The following IKZF1 variants were observed in gnomAD, a reference collection of about 807,000 sequenced individuals.
IKZF1 encodes IKAROS family zinc finger 1.
A neutral mutation model predicts 51.7 loss-of-function variants in IKZF1; 10 were observed. The ratio of observed to expected loss-of-function variants is 0.19; its 90% CI spans 0.12 to 0.33. The LOEUF is 0.33. Ranked by LOEUF, IKZF1 falls within the 10% of genes least tolerant of loss-of-function variation. The pLI is 1.00. For synonymous variants in IKZF1, 280 were observed against 282.3 expected, an observed-to-expected ratio of 0.99 and a Z score of 0.08; for missense variants, 484 against 707.5, an observed-to-expected ratio of 0.68 and a Z score of 3.58.
chr7:50,403,832 T>G lies in IKZF1; in HGVS notation c.*3205T>G, dbSNP rs1314258775. Reference sequence around the variant, plus strand: ...TTTGTGCTTTTTTCTTGTTTTGTTTTGTTTTGACTGCACTGTGAGTTTTGT... The same window carrying G: ...TTTGTGCTTTTTTCTTGTTTTGTTTGGTTTTGACTGCACTGTGAGTTTTGT... On this transcript the variant is annotated 3_prime_UTR_variant, in exon 8 of 8. Coordinates refer to ENST00000331340, the MANE Select transcript of IKZF1 (RefSeq NM_006060.6). 5 of 223,212 alleles carry G rather than the reference T, an allele frequency of 2.2e-5. No individual in the cohort carries two copies. The East Asian group carries it at 3.2e-4, about 14-fold the overall frequency. The allele number at this position is 223,212 out of a possible 1,614,324, so 13.8% of individuals were successfully genotyped here.
At chr7:50,383,542 G>A (rs1812463852) in intron 5 of IKZF1, among the ~76,000 whole-genome samples, 1 of 152,210 alleles carries the variant, frequency 6.6e-6, no homozygotes, top group Non-Finnish European at 1.5e-5. Context: ...CTACAGTGTG[G>A]TCTATACAAC....
intron 1 of IKZF1, among the ~76,000 whole-genome samples, chr7:50,309,274 C>T (rs527999618): frequency 3.9e-5 from 6 of 152,296 alleles, no homozygotes; most frequent in South Asian, 4.1e-4. Flanking sequence ...ACTCTCTTCC[C>T]GCCATTGCAC....
intron 7 of IKZF1, among the ~76,000 whole-genome samples, chr7:50,395,749 T>A (rs959730150): frequency 1.2e-4 from 19 of 152,230 alleles, no homozygotes; most frequent in Middle Eastern, 3.4e-3. Context: ...GCAACTTTTT[T>A]AAAAAAAAGT....
chr7:50,396,886 G>A (rs1408622078), intron 7 of IKZF1, among the ~76,000 whole-genome samples: 2 of 152,214 alleles, frequency 1.3e-5, no homozygotes, highest in East Asian at 1.9e-4. Context: ...CATCCCCACA[G>A]GAGATTCTCT....
intron 3 of IKZF1, among the ~76,000 whole-genome samples, chr7:50,347,906 G>T (rs1247987021): frequency 6.6e-6 from 1 of 152,102 alleles, no homozygotes; most frequent in Non-Finnish European, 1.5e-5. Context: ...TGCAACCCTC[G>T]TGTTTGCATT....
At position 50,376,931 on chromosome 7, in the gene IKZF1, C is replaced by T; in HGVS notation, c.421+138C>T. 7.1e-6 allele frequency: 10 copies of T among 1,405,708 alleles called. No homozygotes were observed. Among genetic ancestry groups the T allele is most frequent in the Non-Finnish European group, 9.5e-6 (10 of 1,055,600 alleles). 87.1% of individuals were successfully genotyped at this position (1,405,708 alleles called of 1,614,324 possible). On this transcript the variant is annotated intron_variant, in intron 4 of 7. Transcript: ENST00000331340. This position sits in a 1 kb window ranked among gnomAD's most constrained non-coding sequence, Gnocchi z 4.5. Reference sequence around the variant, plus strand: ...GCTCAGTTGTTGCAAGCGATTGGTTCCAAGTGGTACCGAGTCATAGAGTCC... The same window carrying T: ...GCTCAGTTGTTGCAAGCGATTGGTTTCAAGTGGTACCGAGTCATAGAGTCC...
chr7:50,352,763 A>G lies in IKZF1; in HGVS notation c.161-23770A>G, dbSNP rs796406881. 2.5e-4 allele frequency among the ~76,000 whole-genome samples: 38 copies of G among 152,372 alleles called. 3 individuals are homozygous for G. In the South Asian group the frequency reaches 7.9e-3, roughly 32 times the overall value. On this transcript the variant is annotated intron_variant, in intron 3 of 7. Transcript: ENST00000331340. ...TAAAGGAAGCCTCCAAGTTGAAATC[A>G]AATACTAATGACATTTTTATCTAAT...
intron 3 of IKZF1, chr7:50,368,659 T>C (rs908813450): frequency 9.8e-6 from 3 of 307,684 alleles, no homozygotes; most frequent in African/African-American, 6.4e-5. Flanking sequence ...TGAATTTCAT[T>C]TTTCTTTTTT....
At chr7:50,382,513 T>A (rs1183622344) in intron 4 of IKZF1, 27 bp from the exon 5 acceptor site, 1 of 1,600,850 alleles carries the variant, frequency 6.2e-7, no homozygotes. Context: ...AGTTTAGTTC[T>A]CACCAGCTCT....
Position 50,400,754 on chromosome 7 carries a change from C to CTGTTTTT in IKZF1, c.*140_*146dup, listed in dbSNP as rs1205001939. On this transcript the variant is annotated 3_prime_UTR_variant, in exon 8 of 8. Coordinates refer to ENST00000331340, the MANE Select transcript of IKZF1 (RefSeq NM_006060.6). This position sits in a 1 kb window ranked among gnomAD's most constrained non-coding sequence, Gnocchi z 5.4. ...GACAATGTTGTGTTTGGATTTGTAA[C>CTGTTTTT]TGTTTTTTGTTTTTTGTTTGAGTTG... The CTGTTTTT allele has an allele frequency of 1.6e-5, 20 of 1,257,062 alleles. 1 individual carries two copies. The Middle Eastern group carries it at 2.6e-3, about 166-fold the overall frequency. The allele number at this position is 1,257,062 out of a possible 1,614,324, so 77.9% of individuals were successfully genotyped here. A position where few individuals can be genotyped will look rare whatever the true frequency, so the allele number is the denominator to read the frequency against.
chr7:50,326,908 A>C (rs951959504), intron 2 of IKZF1, among the ~76,000 whole-genome samples: 2 of 152,186 alleles, frequency 1.3e-5, no homozygotes, highest in Non-Finnish European at 2.9e-5. Context: ...TCTTGCAAAG[A>C]AAGTGAGCAG....
intron 1 of IKZF1, chr7:50,308,981 G>T (rs930318171): frequency 6.6e-6 from 1 of 152,548 alleles, no homozygotes; most frequent in African/African-American, 2.4e-5. Context: ...TTCCCTGCTG[G>T]TGTTTCCACA....
intron 2 of IKZF1, among the ~76,000 whole-genome samples, chr7:50,326,594 C>T (rs1388541548): frequency 1.3e-5 from 2 of 152,184 alleles, no homozygotes; most frequent in African/African-American, 4.8e-5. Flanking sequence ...AGGAGTGATT[C>T]CCCAATGCTA....
intron 3 of IKZF1, among the ~76,000 whole-genome samples, chr7:50,334,385 G>T (rs1212011151): frequency 6.6e-6 from 1 of 152,012 alleles, no homozygotes; most frequent in African/African-American, 2.4e-5. Flanking sequence ...GGGGGTATAT[G>T]TGGTGTGTGA....
chr7:50,317,687 C>T (rs1029607298), intron 1 of IKZF1, among the ~76,000 whole-genome samples: 22 of 152,190 alleles, frequency 1.4e-4, no homozygotes, highest in African/African-American at 5.1e-4. Flanking sequence ...AAGTGACTAT[C>T]ATGTATATCC....
At chr7:50,329,434 T>C (rs1432811669) in intron 3 of IKZF1, among the ~76,000 whole-genome samples, 1 of 152,244 alleles carries the variant, frequency 6.6e-6, no homozygotes, top group Non-Finnish European at 1.5e-5. Flanking sequence ...AATTTATGTA[T>C]TTATTTTTGA....
Position 50,313,275 on chromosome 7 carries a change from T to C in IKZF1, c.-14-5773T>C, listed in dbSNP as rs540163039. 3.9e-5 allele frequency among the ~76,000 whole-genome samples: 6 copies of C among 152,348 alleles called. No individual in the cohort carries two copies. In the South Asian group the frequency reaches 1.2e-3, roughly 32 times the overall value. On this transcript the variant is annotated intron_variant, in intron 1 of 7. Coordinates refer to ENST00000331340, the MANE Select transcript of IKZF1 (RefSeq NM_006060.6). Reference sequence around the variant, plus strand: ...GTGACCTAAGGCATTTTAAATAAATTACAGGCTTGGTCCCTGTCTCCCCCA... The same window carrying C: ...GTGACCTAAGGCATTTTAAATAAATCACAGGCTTGGTCCCTGTCTCCCCCA...
chr7:50,372,996 G>A (rs1809162987), intron 3 of IKZF1, among the ~76,000 whole-genome samples: 1 of 152,240 alleles, frequency 6.6e-6, no homozygotes, highest in Non-Finnish European at 1.5e-5. Context: ...TTCTGTTACA[G>A]CTCTCAGTGA....
At chr7:50,339,622 C>T (rs1415444397) in intron 3 of IKZF1, among the ~76,000 whole-genome samples, 1 of 151,700 alleles carries the variant, frequency 6.6e-6, no homozygotes, top group Non-Finnish European at 1.5e-5. Flanking sequence ...GGTGTGGTGG[C>T]GTGTGCCTGT....
Sources: allele counts gnomAD v4.1 joint callset (sites outside exome capture counted in the v4.1 genomes callset), GRCh38; gene constraint gnomAD v4.1.1; non-coding constraint Gnocchi (gnomAD v3.1); transcripts MANE v1.5; gene names NCBI Gene and HGNC (gene_info 2026-07-23, HGNC 2026-07-21).